Variants in CD5 observed in about 807,000 individuals in gnomAD.
CD5 encodes CD5 molecule.
Under a neutral mutation model 60.3 loss-of-function variants are expected in CD5, and 36 were observed. The observed-to-expected ratio is 0.60, with a 90% confidence interval of 0.46 to 0.79. CD5 has a LOEUF of 0.79. Among genes scored for constraint, CD5 ranks in the 30% least tolerant of loss-of-function variants. The pLI is 0.00. For missense variants in CD5, 540 were observed against 630.6 expected (o/e 0.86, Z 1.54); for synonymous variants, 230 against 257.6 (o/e 0.89, Z 1.03).
rs377064884 is a variant in CD5 at position 61,102,518 on chromosome 11, G to A, written c.-43G>A. ...TACCCGGCCAGACACCCTCACCTGC[G>A]GTGCCCAGCTGCCCAGGCTGAGGCA... On this transcript the variant is annotated 5_prime_UTR_variant, in exon 1 of 11. Coordinates refer to ENST00000347785, the MANE Select transcript of CD5 (RefSeq NM_014207.4). The A allele has an allele frequency of 4.0e-5, 60 of 1,489,656 alleles. No individual in the cohort carries two copies. The South Asian group carries it at 4.3e-4, about 11-fold the overall frequency. The allele number at this position is 1,489,656 out of a possible 1,614,324, so 92.3% of individuals were successfully genotyped here. A position where few individuals can be genotyped will look rare whatever the true frequency, so the allele number is the denominator to read the frequency against.
At chr11:61,116,275 C>T (rs1052294038) in intron 2 of CD5, among the ~76,000 whole-genome samples, 1 of 152,036 alleles carries the variant, frequency 6.6e-6, no homozygotes, top group African/African-American at 2.4e-5. Context: ...TCTCTATTCC[C>T]GTCTATCCCA....
intron 6 of CD5, among the ~76,000 whole-genome samples, chr11:61,122,447 T>TTGGA (rs1358118715): frequency 2.2e-5 from 3 of 136,300 alleles, no homozygotes; most frequent in South Asian, 4.8e-4. Flanking sequence ...GGATGGATGG[T>TTGGA]TGGATGGATG....
chr11:61,113,828 C>T (rs1394323648), intron 1 of CD5, among the ~76,000 whole-genome samples: 2 of 152,126 alleles, frequency 1.3e-5, no homozygotes, highest in Non-Finnish European at 2.9e-5. Flanking sequence ...ATCACCACGC[C>T]GAGCTAATTT....
At chr11:61,105,780 C>T (rs986036900) in intron 1 of CD5, among the ~76,000 whole-genome samples, 4 of 152,174 alleles carry the variant, frequency 2.6e-5, no homozygotes, top group Non-Finnish European at 5.9e-5. Context: ...GGAGTCCCTG[C>T]CCTCAAGGAT....
intron 2 of CD5, 70 bp downstream of exon 2, chr11:61,115,164 C>T (rs774090610): frequency 1.0e-5 from 14 of 1,406,920 alleles, no homozygotes; most frequent in African/African-American, 4.3e-5. Context: ...ATCAGGCCAT[C>T]GGGGACCTCT....
At position 61,103,918 on chromosome 11, in the gene CD5, G is replaced by A. The variant is rs111210884; in HGVS notation, c.55+1303G>A. On this transcript the variant is annotated intron_variant, in intron 1 of 10. Coordinates refer to ENST00000347785, the MANE Select transcript of CD5 (RefSeq NM_014207.4). ...TGTGTGTGAGTACTGTGTGTGGGGG[G>A]GGAATGTGTGACTCTGTGTGTGAGT... Among the ~76,000 whole-genome samples the A allele has an allele frequency of 5.5e-3, 586 of 107,124 alleles. 37 individuals carry two copies. The highest frequency in any genetic ancestry group is 0.03 in the South Asian group (78 of 2,594). The allele number at this position is 107,124 out of a possible 152,430, so 70.3% of individuals were successfully genotyped here.
Position 61,126,343 on chromosome 11 carries a change from T to G in CD5, c.*58T>G, listed in dbSNP as rs545558236. On this transcript the variant is annotated 3_prime_UTR_variant, in exon 11 of 11. Coordinates refer to ENST00000347785, the MANE Select transcript of CD5 (RefSeq NM_014207.4). Reference sequence around the variant, plus strand: ...CCAGACCTGTTTGTCCTGAGAAAACTGTCCGCTCTTCACTTGAAATCATGT... The same window carrying G: ...CCAGACCTGTTTGTCCTGAGAAAACGGTCCGCTCTTCACTTGAAATCATGT... The G allele has an allele frequency of 6.5e-6, 1 of 152,686 alleles. No homozygotes were observed. Among genetic ancestry groups the G allele is most frequent in the South Asian group, 2.1e-4 (1 of 4,838 alleles). The allele number at this position is 152,686 out of a possible 1,614,324, so 9.5% of individuals were successfully genotyped here.
chr11:61,101,680 CGATCACAATCACACACATCAACATGGA>C (rs1860691280), upstream of CD5, among the ~76,000 whole-genome samples: 1 of 140,920 alleles, frequency 7.1e-6, no homozygotes, highest in Non-Finnish European at 1.5e-5. Context: ...ATCAACATGG[CGATCACAATCACACACATCAACATGGA>C]GATCACACAC....
upstream of CD5, among the ~76,000 whole-genome samples, chr11:61,101,360 A>T (rs1860681422): frequency 1.0e-5 from 1 of 97,494 alleles, no homozygotes; most frequent in Non-Finnish European, 2.2e-5. Flanking sequence ...ATCAACATGG[A>T]GATCACACAC....
At position 61,123,929 on chromosome 11, in the gene CD5, A is replaced by G. The variant is rs770024777; in HGVS notation, c.1271A>G (p.Asn424Ser). 1 of 1,613,618 alleles carries G rather than the reference A, an allele frequency of 6.2e-7. No homozygotes were observed. Among genetic ancestry groups the G allele is most frequent in the Non-Finnish European group, 8.5e-7 (1 of 1,179,802 alleles). Residue 424 changes from asparagine (N) to serine (S), a missense_variant, in exon 8 of 11, where the codon AAC (asparagine) becomes AGC (serine). Asn to Ser is a conservative substitution (Grantham distance 46, BLOSUM62 1). Coordinates refer to ENST00000347785, the MANE Select transcript of CD5 (RefSeq NM_014207.4). ...CAGTGGATTGGCCCAACGGGAATGA[A>G]CCAAAACAGTAAGTGTCCCCGGAGG... ...QRQWIGPTGM[N>S]QNMSFHRNHT...
rs185950945 is a variant in CD5, at chr11:61,118,502, C to G, written c.400+22C>G. 2 of 1,606,624 alleles carry G rather than the reference C, an allele frequency of 1.2e-6. No homozygotes were observed. The highest frequency in any genetic ancestry group is 2.2e-5 in the East Asian group (1 of 44,786). ...TTAGGTGGGTAACTAGCCAGCCACA[C>G]GGGCACCCTGGGCCTGGGCGCCAGC... On this transcript the variant is annotated intron_variant, in intron 3 of 10. Coordinates refer to ENST00000347785, the MANE Select transcript of CD5 (RefSeq NM_014207.4). The surrounding 1 kb of genome is among the most constrained non-coding windows in gnomAD (Gnocchi z 4.7).
chr11:61,120,763 A>C (rs963137844), intron 5 of CD5, among the ~76,000 whole-genome samples: 1 of 152,220 alleles, frequency 6.6e-6, no homozygotes, highest in East Asian at 1.9e-4. Flanking sequence ...CCCCCAGCAG[A>C]AGCAGCTCCC....
intron 1 of CD5, among the ~76,000 whole-genome samples, chr11:61,106,631 C>T (rs758377095): frequency 2.0e-5 from 3 of 152,172 alleles, no homozygotes; most frequent in Non-Finnish European, 4.4e-5. Context: ...TTCAGCTCAA[C>T]CTGACAAAAT....
At chr11:61,096,558 G>T in the CD5 span, among the ~76,000 whole-genome samples, 1 of 152,172 alleles carries the variant, frequency 6.6e-6, no homozygotes, top group East Asian at 1.9e-4. Flanking sequence ...ACATGAGATA[G>T]CTCACCAGTT....
intron 6 of CD5, 94 bp from the exon 7 acceptor site, chr11:61,122,813 G>C (rs186699019): frequency 1.5e-6 from 2 of 1,349,510 alleles, no homozygotes; most frequent in East Asian, 2.3e-5. Flanking sequence ...AGATGAGCAA[G>C]GATGACGGCG....
intron 10 of CD5, 129 bp from the exon 11 acceptor site, chr11:61,126,159 C>G (rs10897139): frequency 0.73 from 158,081 of 216,720 alleles, 59,806 homozygotes; most frequent in East Asian, 1. Flanking sequence ...TGCCAGCGGG[C>G]AGAAGGAGCC....
Position 61,118,273 on chromosome 11 carries a change from G to A in CD5, c.193G>A (p.Gly65Ser), listed in dbSNP as rs1240913459. The A allele has an allele frequency of 3.1e-6, 5 of 1,614,144 alleles. No individual in the cohort carries two copies. Among genetic ancestry groups the A allele is most frequent in the Non-Finnish European group, 1.7e-6 (2 of 1,180,058 alleles). Residue 65 changes from glycine (G) to serine (S), a missense_variant, in exon 3 of 11, where the codon GGC (glycine) becomes AGC (serine). Coordinates refer to ENST00000347785, the MANE Select transcript of CD5 (RefSeq NM_014207.4). This position sits in a 1 kb window ranked among gnomAD's most constrained non-coding sequence, Gnocchi z 4.7. ...GCACATGGTTTGCAGCCAGAGCTGG[G>A]GCCGGAGCTCCAAGCAGTGGGAGGA... Reference protein sequence around the residue: ...GWHMVCSQSWGRSSKQWEDPS... With the variant: ...GWHMVCSQSWSRSSKQWEDPS...
In CD5 at chr11:61,125,897, G is replaced by A. The variant is rs867375823; in HGVS notation, c.*2+56G>A. The A allele has an allele frequency of 3.8e-5, 47 of 1,245,160 alleles. No individual in the cohort carries two copies. The South Asian group carries it at 6.3e-4, about 17-fold the overall frequency. The allele number at this position is 1,245,160 out of a possible 1,614,324, so 77.1% of individuals were successfully genotyped here. On this transcript the variant is annotated intron_variant, in intron 10 of 10. Transcript: ENST00000347785. Reference sequence around the variant, plus strand: ...CCCAGGGTCCCCCACAGTCCTGGGGGTGAGCAGCAGCCACTCAATGCCTCC... The same window carrying A: ...CCCAGGGTCCCCCACAGTCCTGGGGATGAGCAGCAGCCACTCAATGCCTCC...
chr11:61,110,382 G>A (rs552761071), intron 1 of CD5, among the ~76,000 whole-genome samples: 1 of 152,320 alleles, frequency 6.6e-6, no homozygotes, highest in East Asian at 1.9e-4. Flanking sequence ...TGAACCAGGG[G>A]GAAGGTGAGG....
Sources: gnomAD v4.1 joint callset for allele counts (sites outside exome capture counted in the v4.1 genomes callset) on GRCh38, gnomAD v4.1.1 for gene constraint, Gnocchi (gnomAD v3.1) non-coding constraint, MANE v1.5 for transcripts, NCBI Gene and HGNC (gene_info 2026-07-23, HGNC 2026-07-21) for gene names.